Variants in KAZN observed in about 807,000 individuals in gnomAD.
KAZN encodes kazrin, periplakin interacting protein.
A neutral mutation model predicts 87.4 loss-of-function variants in KAZN; 40 were observed. The observed-to-expected ratio is 0.46, with a 90% CI of 0.36 to 0.60. The LOEUF (loss-of-function observed/expected upper bound fraction) is 0.60. KAZN is among the 20% of genes least tolerant of loss of function. The pLI, the probability that KAZN is intolerant of heterozygous loss-of-function variation, is 0.00. For missense variants in KAZN, 898 were observed against 1,073.9 expected (o/e 0.84, Z 2.29); for synonymous variants, 466 against 458.3 (o/e 1.02, Z -0.22).
chr1:14,331,499 C>A (rs1656857126), intron 2 of KAZN, among the ~76,000 whole-genome samples: 1 of 152,090 alleles, frequency 6.6e-6, no homozygotes, highest in African/African-American at 2.4e-5. Flanking sequence ...ACTTTTATAC[C>A]TTACTGCTGC....
intron 1 of KAZN, among the ~76,000 whole-genome samples, chr1:13,988,525 C>T (rs902697083): frequency 6.6e-6 from 1 of 152,136 alleles, no homozygotes; most frequent in Non-Finnish European, 1.5e-5. Flanking sequence ...CAAGAAAAGA[C>T]AGCGCATGGG....
chr1:14,405,544 G>GCCAAA (rs1663769703), intron 2 of KAZN, among the ~76,000 whole-genome samples: 1 of 151,622 alleles, frequency 6.6e-6, no homozygotes, highest in Non-Finnish European at 1.5e-5. Context: ...CTAGCTGTGT[G>GCCAAA]TCATTTGGGC....
At chr1:14,507,014 C>T in intron 2 of KAZN, among the ~76,000 whole-genome samples, 1 of 152,176 alleles carries the variant, frequency 6.6e-6, no homozygotes, top group East Asian at 1.9e-4. Flanking sequence ...AAATTAGGCA[C>T]CCAGATCATC....
rs185249439 is a variant in KAZN, at chr1:14,304,458, C to T, written c.249+123866C>T. 8 of 394,814 alleles carry T rather than the reference C, an allele frequency of 2.0e-5. No homozygotes were observed. The East Asian group carries it at 2.1e-4, about 11-fold the overall frequency. 24.5% of individuals were successfully genotyped at this position (394,814 alleles called of 1,614,324 possible). A position where few individuals can be genotyped will look rare whatever the true frequency, so the allele number is the denominator to read the frequency against. On this transcript the variant is annotated intron_variant, in intron 2 of 16. Coordinates refer to the KAZN transcript ENST00000636203. ...CTGTTCAGCCTCTATTTCCATCCCA[C>T]GAGGTCTGACTATCTTCACTAAGCT...
chr1:14,907,701 T>C (rs1380148935), intron 1 of KAZN, among the ~76,000 whole-genome samples: 1 of 152,024 alleles, frequency 6.6e-6, no homozygotes, highest in African/African-American at 2.4e-5. Context: ...TTCATGAAGA[T>C]GGAAAGGAGA....
In KAZN at chr1:14,570,513, C is replaced by T. The variant is rs75893074; in HGVS notation, c.250-28470C>T. On this transcript the variant is annotated intron_variant, in intron 2 of 16. Transcript: ENST00000636203. ...ACAACTGGTGTTCTTTTATAGCTGA[C>T]ATTTCTCTAAGCATGTTTTTGGGGT... is the stretch of plus-strand genomic sequence containing the variant. 5.4e-3 allele frequency among the ~76,000 whole-genome samples: 822 copies of T among 152,270 alleles called. 10 individuals carry two copies. Among genetic ancestry groups the T allele is most frequent in the African/African-American group, 0.019 (788 of 41,550 alleles).
intron 2 of KAZN, among the ~76,000 whole-genome samples, chr1:14,479,436 A>G (rs1397699330): frequency 1.3e-5 from 2 of 152,184 alleles, no homozygotes; most frequent in Admixed American, 6.5e-5. Flanking sequence ...ATAAGAATCA[A>G]TGGCCTGCCC....
At chr1:14,644,002 C>CTTTTT (rs34535562) in intron 1 of KAZN, among the ~76,000 whole-genome samples, 249 of 60,334 alleles carry the variant, frequency 4.1e-3, no homozygotes, top group East Asian at 5.1e-3. Context: ...CCTTTGCCCA[C>CTTTTT]TTTTTTTTTT....
chr1:15,034,290 AT>A (rs1490458040), intron 2 of KAZN, among the ~76,000 whole-genome samples: 1 of 152,178 alleles, frequency 6.6e-6, no homozygotes, highest in East Asian at 1.9e-4. Flanking sequence ...TTTTAACGTA[AT>A]ACTTCTCCCC....
chr1:15,103,971 G>A lies in KAZN; in HGVS notation c.1882-52G>A. Reference sequence around the variant, plus strand: ...CCCACGTGGAACTGGGGCCCCCTTAGGCCAGCAGCATGGCCCCTGCAGGCT... The same window carrying A: ...CCCACGTGGAACTGGGGCCCCCTTAAGCCAGCAGCATGGCCCCTGCAGGCT... On this transcript the variant is annotated intron_variant, in intron 12 of 14. Transcript: ENST00000376030. 2.5e-6 allele frequency: 4 copies of A among 1,574,348 alleles called. No individual in the cohort carries two copies. The South Asian group carries it at 4.7e-5, about 19-fold the overall frequency.
chr1:14,235,395 G>T (rs986016460), intron 2 of KAZN, among the ~76,000 whole-genome samples: 5 of 152,172 alleles, frequency 3.3e-5, no homozygotes, highest in Non-Finnish European at 7.3e-5. Context: ...TCATTTATGC[G>T]AATGGTCTAG....
intron 1 of KAZN, among the ~76,000 whole-genome samples, chr1:14,883,367 G>GAAAGAAAGAAAGAA (rs1653642711): frequency 1.4e-5 from 1 of 73,210 alleles, no homozygotes; most frequent in African/African-American, 5.3e-5. Flanking sequence ...AAGAAAGAAA[G>GAAAGAAAGAAAGAA]AAAGAAAGAA....
chr1:13,897,352 A>G (rs962219667), intron 1 of KAZN, among the ~76,000 whole-genome samples: 1 of 152,194 alleles, frequency 6.6e-6, no homozygotes, highest in Non-Finnish European at 1.5e-5. Context: ...TATGTGGCAC[A>G]ATGTGAAAGG....
intron 2 of KAZN, among the ~76,000 whole-genome samples, chr1:14,276,886 T>G (rs1652399760): frequency 6.6e-6 from 1 of 152,212 alleles, no homozygotes; most frequent in Admixed American, 6.5e-5. Context: ...CATGCTGAAT[T>G]TTTTAAATAC....
intron 2 of KAZN, among the ~76,000 whole-genome samples, chr1:14,468,308 GA>G (rs1270184426): frequency 2.6e-5 from 4 of 152,118 alleles, no homozygotes; most frequent in Non-Finnish European, 1.5e-5. Context: ...TAGAGACTGG[GA>G]AAAGGGAAAA....
intron 2 of KAZN, among the ~76,000 whole-genome samples, chr1:14,344,163 C>CTATTT (rs1657940698): frequency 1.6e-5 from 2 of 122,636 alleles, no homozygotes; most frequent in Admixed American, 1.7e-4. Context: ...TTCATGTATT[C>CTATTT]TTTTTTTTTT....
At chr1:14,186,262 G>T in intron 2 of KAZN, among the ~76,000 whole-genome samples, 1 of 152,112 alleles carries the variant, frequency 6.6e-6, no homozygotes, top group Non-Finnish European at 1.5e-5. Flanking sequence ...ATAAGTGATG[G>T]TTCCTGTTAC....
At chr1:14,476,518 G>A (rs1668734159) in intron 2 of KAZN, among the ~76,000 whole-genome samples, 1 of 152,160 alleles carries the variant, frequency 6.6e-6, no homozygotes, top group African/African-American at 2.4e-5. Context: ...ACAGACAACA[G>A]GGACTGAACT....
chr1:14,069,038 G>T (rs1036988139), intron 1 of KAZN, among the ~76,000 whole-genome samples: 2 of 152,204 alleles, frequency 1.3e-5, no homozygotes, highest in East Asian at 3.9e-4. Flanking sequence ...ACCTCATGAT[G>T]TGCCTGCCTG....
Sources: allele counts gnomAD v4.1 joint callset (sites outside exome capture counted in the v4.1 genomes callset), GRCh38; gene constraint gnomAD v4.1.1; transcripts MANE v1.5; gene names NCBI Gene and HGNC (gene_info 2026-07-23, HGNC 2026-07-21).